The following CNPY4 variants were observed in gnomAD, a reference collection of about 807,000 sequenced individuals.
CNPY4 encodes canopy FGF signaling regulator 4, also known as protein canopy homolog 4.
Under a neutral mutation model 30.1 loss-of-function variants are expected in CNPY4, and 33 were observed. The observed-to-expected ratio is 1.10, with a 90% CI of 0.83 to 1.46. The LOEUF (loss-of-function observed/expected upper bound fraction) is 1.46. Ranked by LOEUF, CNPY4 falls within the 40% of genes most tolerant of loss-of-function variation. CNPY4 has a pLI of 0.00. For synonymous variants in CNPY4, 109 were observed against 110.1 expected, an observed-to-expected ratio of 0.99 and a Z score of 0.06; for missense variants, 324 against 302.6, an observed-to-expected ratio of 1.07 and a Z score of -0.52.
In CNPY4 at chr7:100,122,714, G is replaced by C. The variant is rs1003208020; in HGVS notation, c.343-70G>C. The C allele has an allele frequency of 9.6e-6, 15 of 1,556,890 alleles. No individual in the cohort carries two copies. In the African/African-American group the frequency reaches 1.8e-4, roughly 18 times the overall value. The stretch of plus-strand genomic sequence containing the variant: ...TGAATCTCCAGTAGTTGACAAAACT[G>C]AAATGGCAGAAAGGGGAAGGGAGGG... On this transcript the variant is annotated intron_variant, in intron 3 of 5. Coordinates refer to ENST00000262932, the MANE Select transcript of CNPY4 (RefSeq NM_152755.2).
At chr7:100,123,671 C>T (rs983559584) in intron 4 of CNPY4, among the ~76,000 whole-genome samples, 1 of 152,080 alleles carries the variant, frequency 6.6e-6, no homozygotes, top group Non-Finnish European at 1.5e-5. Flanking sequence ...CAGGCCCCTG[C>T]CACCACGCCC....
intron 1 of CNPY4, among the ~76,000 whole-genome samples, chr7:100,121,825 C>T (rs191550866): frequency 0.023 from 3,430 of 151,184 alleles, 134 homozygotes; most frequent in African/African-American, 0.08. Context: ...CCAAGGCGGG[C>T]GGATCACAAG....
At chr7:100,122,646 A>C (rs1584588051) in intron 3 of CNPY4, 69 bp downstream of exon 3, 2 of 1,517,422 alleles carry the variant, frequency 1.3e-6, no homozygotes, top group East Asian at 4.5e-5. Flanking sequence ...GAGGCCCTCC[A>C]GAGGTTATCT....
At chr7:100,121,112 A>ATTTTTTTTTT (rs1798040006) in intron 1 of CNPY4, 2 of 30,712 alleles carry the variant, frequency 6.5e-5, no homozygotes, top group Non-Finnish European at 1.2e-4. Context: ...ATATATATAT[A>ATTTTTTTTTT]TATATTTTTT....
Position 100,119,762 on chromosome 7 carries a change from G to A in CNPY4, c.18G>A (p.Leu6=), listed in dbSNP as rs370762309. The change falls in exon 1 of 6, where the codon TTG becomes TTA. Residue 6 remains leucine (L), a synonymous_variant. Coordinates refer to ENST00000262932, the MANE Select transcript of CNPY4 (RefSeq NM_152755.2). ...GCTTTGTCATGGGACCTGTGCGGTT[G>A]GGAATATTGCTTTTCCTTTTTTTGG... MGPVR[L]GILLFLFLAV... The A allele has an allele frequency of 9.3e-6, 15 of 1,614,060 alleles. No homozygotes were observed. The African/African-American group carries it at 2.0e-4, about 22-fold the overall frequency.
chr7:100,123,269 G>C (rs563324527), intron 4 of CNPY4, among the ~76,000 whole-genome samples: 23 of 152,058 alleles, frequency 1.5e-4, no homozygotes, highest in Middle Eastern at 3.4e-3. Context: ...TTGAATCCAG[G>C]AGGTGGAGGT....
chr7:100,124,692 A>G (rs1798166399), intron 5 of CNPY4, 33 bp from the exon 6 acceptor site: 11 of 1,613,086 alleles, frequency 6.8e-6, no homozygotes, highest in Non-Finnish European at 9.3e-6. Flanking sequence ...CTCCAGGACT[A>G]ATATCTAAAT....
At position 100,124,825 on chromosome 7, in the gene CNPY4, G is replaced by C. The variant is rs1343920773; in HGVS notation, c.684G>C (p.Glu228Asp). ...AGGAGGAGGAGGAAGAGGAGGAAGA[G>C]GAAGGGGGAGACAAGATGACCAAGA... is the stretch of plus-strand genomic sequence containing the variant. ...EQEEEEEEEE[E>D]EGGDKMTKTG... Residue 228 changes from glutamate (E) to aspartate (D), a missense_variant, in exon 6 of 6, where the codon GAG becomes GAC. Glu to Asp is a conservative substitution (Grantham distance 45). Coordinates refer to ENST00000262932, the MANE Select transcript of CNPY4 (RefSeq NM_152755.2). The C allele has an allele frequency of 3.1e-6, 5 of 1,612,834 alleles. No individual in the cohort carries two copies. Among genetic ancestry groups the C allele is most frequent in the Non-Finnish European group, 3.4e-6 (4 of 1,179,400 alleles).
chr7:100,124,917 A>G lies in CNPY4; in HGVS notation c.*29A>G. On this transcript the variant is annotated 3_prime_UTR_variant, in exon 6 of 6. Coordinates refer to ENST00000262932, the MANE Select transcript of CNPY4 (RefSeq NM_152755.2). ...TTGCCTTTGAGCCCCCAGGAGGGGAAGGGATCATGGAGAGCCCTCTAAAGC... is the reference window on the plus strand; with the variant it reads ...TTGCCTTTGAGCCCCCAGGAGGGGAGGGGATCATGGAGAGCCCTCTAAAGC... 1.3e-6 allele frequency: 2 copies of G among 1,560,914 alleles called. No individual in the cohort carries two copies. Among genetic ancestry groups the G allele is most frequent in the Non-Finnish European group, 1.7e-6 (2 of 1,155,630 alleles).
Position 100,122,548 on chromosome 7 carries a change from G to GAGC in CNPY4, c.314_316dup (p.Glu105_Arg106insGln). 1 of 1,612,788 alleles carries GAGC rather than the reference G, an allele frequency of 6.2e-7. No homozygotes were observed. Among genetic ancestry groups the GAGC allele is most frequent in the East Asian group, 2.2e-5 (1 of 44,876 alleles). Reference sequence around the variant, plus strand: ...GATCCTGGACTATAGTGTTCACGCTGAGCGCAAGGGCTCACTGAGATATGC... The same window carrying GAGC: ...GATCCTGGACTATAGTGTTCACGCTGAGCAGCGCAAGGGCTCACTGAGATATGC... On this transcript the variant is annotated inframe_insertion, in exon 3 of 6. Transcript: ENST00000262932.
chr7:100,122,601 A>G (rs780546337), intron 3 of CNPY4, 24 bp downstream of exon 3: 8 of 1,570,336 alleles, frequency 5.1e-6, no homozygotes, highest in Non-Finnish European at 6.9e-6. Flanking sequence ...CCAGGGCAGG[A>G]CCCCACTTCT....
In CNPY4 at chr7:100,119,862, G is replaced by C; in HGVS notation, c.118G>C (p.Val40Leu). 1.2e-6 allele frequency: 2 copies of C among 1,611,170 alleles called. No homozygotes were observed. Among genetic ancestry groups the C allele is most frequent in the Non-Finnish European group, 1.7e-6 (2 of 1,178,704 alleles). Residue 40 changes from valine to leucine, a missense_variant and splice_region_variant, in exon 1 of 6, where the codon GTG becomes CTG. Val to Leu is a conservative substitution (Grantham distance 32). Coordinates refer to ENST00000262932, the MANE Select transcript of CNPY4 (RefSeq NM_152755.2). ...AGAACGCTTGCCCAGCAAATGCGAA[G>C]GTATTTGAAGGGGGTAGCCCCTATA... ...DTERLPSKCE[V>L]CKLLSTELQA... is the part of the protein sequence containing the mutation.
Position 100,125,017 on chromosome 7 carries a change from C to T in CNPY4, c.*129C>T. ...CACCCAAGCTTGTAGCTGTTCTCTCCCATCTAACCTCAGGCAAGATCCTGG... is the reference window on the plus strand; with the variant it reads ...CACCCAAGCTTGTAGCTGTTCTCTCTCATCTAACCTCAGGCAAGATCCTGG... On this transcript the variant is annotated 3_prime_UTR_variant, in exon 6 of 6. Coordinates refer to ENST00000262932, the MANE Select transcript of CNPY4 (RefSeq NM_152755.2). The T allele has an allele frequency of 9.0e-7, 1 of 1,106,318 alleles. No individual in the cohort carries two copies. The highest frequency in any genetic ancestry group is 1.3e-6 in the Non-Finnish European group (1 of 775,760). 68.5% of individuals were successfully genotyped at this position (1,106,318 alleles called of 1,614,324 possible). A position where few individuals can be genotyped will look rare whatever the true frequency, so the allele number is the denominator to read the frequency against.
At chr7:100,119,988 A>C (rs1331104599) in intron 1 of CNPY4, 126 bp downstream of exon 1, 2 of 808,542 alleles carry the variant, frequency 2.5e-6, no homozygotes, top group Non-Finnish European at 1.8e-6. Context: ...GTTCTGGTGG[A>C]GCTTGGCTGA....
In CNPY4 at chr7:100,119,684, AC is replaced by A; in HGVS notation, c.-58del. 6.2e-7 allele frequency: 1 copy of A among 1,613,244 alleles called. No individual in the cohort carries two copies. The highest frequency in any genetic ancestry group is 1.1e-5 in the South Asian group (1 of 90,980). On this transcript the variant is annotated 5_prime_UTR_variant, in exon 1 of 6. Transcript: ENST00000262932. Reference sequence around the variant, plus strand: ...CGCTAGCCGCCTGGGAATTTAAGGGACCCACACTACCTTCCCGAAGTTGAAG... The same window carrying A: ...CGCTAGCCGCCTGGGAATTTAAGGGACCACACTACCTTCCCGAAGTTGAAG...
chr7:100,120,923 G>T (rs1798019839), intron 1 of CNPY4, among the ~76,000 whole-genome samples: 2 of 151,656 alleles, frequency 1.3e-5, no homozygotes, highest in African/African-American at 4.9e-5. Flanking sequence ...TCTTATTGCT[G>T]TCTATATTGT....
intron 1 of CNPY4, 193 bp from the exon 2 acceptor site, chr7:100,122,066 A>AG (rs1798089920): frequency 1.9e-6 from 1 of 537,514 alleles, no homozygotes; most frequent in African/African-American, 1.9e-5. Flanking sequence ...AAAAAAAAAA[A>AG]GATGAAGAAA....
intron 1 of CNPY4, 110 bp downstream of exon 1, chr7:100,119,972 A>G: frequency 1.0e-6 from 1 of 978,532 alleles, no homozygotes; most frequent in Non-Finnish European, 1.5e-6. Context: ...TGAAGGCTTG[A>G]GGGAGGTTCT....
intron 4 of CNPY4, among the ~76,000 whole-genome samples, chr7:100,123,610 T>C (rs1484301295): frequency 6.6e-6 from 1 of 151,926 alleles, no homozygotes; most frequent in Non-Finnish European, 1.5e-5. Flanking sequence ...GACCTCCGCC[T>C]CCCGGGTTCA....
Sources: gnomAD v4.1 joint callset for allele counts (sites outside exome capture counted in the v4.1 genomes callset) on GRCh38, gnomAD v4.1.1 for gene constraint, MANE v1.5 for transcripts, NCBI Gene and HGNC (gene_info 2026-07-23, HGNC 2026-07-21) for gene names.